The following ANKS1B variants were observed in gnomAD, a reference collection of about 807,000 sequenced individuals.
ANKS1B encodes ankyrin repeat and sterile alpha motif domain-containing protein 1B.
ANKS1B carries 36 observed loss-of-function variants against 148.3 expected under a neutral mutation model. The observed-to-expected ratio is 0.24, with a 90% CI of 0.19 to 0.32. ANKS1B has a LOEUF of 0.32. Among genes scored for constraint, ANKS1B ranks in the 10% least tolerant of loss-of-function variants. The probability of loss-of-function intolerance (pLI) is 1.00; values close to 1 mark genes in which losing one functional copy is unlikely to be tolerated. For synonymous variants in ANKS1B, 542 were observed against 560.8 expected, an observed-to-expected ratio of 0.97 and a Z score of 0.47; for missense variants, 1,157 against 1,542.6, an observed-to-expected ratio of 0.75 and a Z score of 4.19.
intron 1 of ANKS1B, among the ~76,000 whole-genome samples, chr12:99,831,796 AC>A (rs1314288786): frequency 6.6e-6 from 1 of 151,950 alleles, no homozygotes; most frequent in Non-Finnish European, 1.5e-5. Flanking sequence ...CCTAGAGAGG[AC>A]GCAATTCTTC....
At chr12:99,823,557 C>T (rs974445436) in intron 2 of ANKS1B, among the ~76,000 whole-genome samples, 3 of 152,188 alleles carry the variant, frequency 2.0e-5, no homozygotes, top group Non-Finnish European at 4.4e-5. Context: ...CCACCTGCTT[C>T]GGCCTCCCAA....
intron 10 of ANKS1B, among the ~76,000 whole-genome samples, chr12:99,485,467 C>G (rs1446260245): frequency 6.6e-6 from 1 of 152,118 alleles, no homozygotes; most frequent in Non-Finnish European, 1.5e-5. Context: ...AACCTGATGA[C>G]TATATGCCTT....
intron 12 of ANKS1B, among the ~76,000 whole-genome samples, chr12:99,329,929 T>A (rs990669665): frequency 3.3e-5 from 5 of 151,880 alleles, no homozygotes; most frequent in Non-Finnish European, 5.9e-5. Flanking sequence ...GCTCCCACCC[T>A]CTTTAAAGTG....
At chr12:99,189,585 T>C (rs2080357746) in intron 14 of ANKS1B, among the ~76,000 whole-genome samples, 1 of 152,146 alleles carries the variant, frequency 6.6e-6, no homozygotes. Context: ...ACAGAACCAA[T>C]GACAAAAACC....
chr12:99,710,656 A>G (rs1426755882), intron 8 of ANKS1B, among the ~76,000 whole-genome samples: 1 of 152,148 alleles, frequency 6.6e-6, no homozygotes. Flanking sequence ...TTTATCATAG[A>G]GAAGAATATA....
At chr12:99,478,842 CTTTTA>C (rs975619867) in intron 10 of ANKS1B, among the ~76,000 whole-genome samples, 2 of 152,036 alleles carry the variant, frequency 1.3e-5, no homozygotes, top group Non-Finnish European at 2.9e-5. Flanking sequence ...CCGAATTACC[CTTTTA>C]TTTTCTCTAT....
chr12:99,959,237 T>A (rs1305788494), intron 1 of ANKS1B, among the ~76,000 whole-genome samples: 1 of 144,822 alleles, frequency 6.9e-6, no homozygotes, highest in East Asian at 2.0e-4. Context: ...ATTTTTTTTT[T>A]TTTTTTTTTT....
chr12:99,908,329 C>T (rs1312904304), intron 1 of ANKS1B, among the ~76,000 whole-genome samples: 1 of 152,042 alleles, frequency 6.6e-6, no homozygotes, highest in Non-Finnish European at 1.5e-5. Context: ...CCTGTAATCC[C>T]AGCAATTTGG....
At chr12:99,050,432 C>T (rs2099965211) in intron 17 of ANKS1B, among the ~76,000 whole-genome samples, 3 of 152,098 alleles carry the variant, frequency 2.0e-5, no homozygotes, top group Non-Finnish European at 1.5e-5. Context: ...TCCTCACCAC[C>T]AAGAGTGTGA....
At chr12:99,649,008 G>T (rs989589756) in intron 9 of ANKS1B, among the ~76,000 whole-genome samples, 1 of 152,142 alleles carries the variant, frequency 6.6e-6, no homozygotes, top group African/African-American at 2.4e-5. Flanking sequence ...TTTCTTAGCT[G>T]TCAGCAACTC....
intron 12 of ANKS1B, among the ~76,000 whole-genome samples, chr12:99,364,263 A>C (rs2092646737): frequency 7.3e-6 from 1 of 137,854 alleles, no homozygotes; most frequent in Non-Finnish European, 1.5e-5. Context: ...TGAGTAGACA[A>C]GCAGTATATA....
intron 9 of ANKS1B, among the ~76,000 whole-genome samples, chr12:99,610,717 C>T (rs1280602046): frequency 2.0e-5 from 3 of 152,114 alleles, no homozygotes; most frequent in Non-Finnish European, 4.4e-5. Context: ...TGAGCCCCAA[C>T]AATCCTAATT....
chr12:98,749,663 T>C (rs2098021470), intron 26 of ANKS1B, among the ~76,000 whole-genome samples: 1 of 151,320 alleles, frequency 6.6e-6, no homozygotes, highest in Non-Finnish European at 1.5e-5. Context: ...CAGGTAGGAG[T>C]GAGCATTACA....
chr12:99,241,142 T>C (rs2089233106), intron 14 of ANKS1B, among the ~76,000 whole-genome samples: 1 of 151,890 alleles, frequency 6.6e-6, no homozygotes, highest in Admixed American at 6.6e-5. Context: ...AAAATTGATA[T>C]ACCACTAGCA....
At chr12:99,898,713 G>A (rs1467514366) in intron 1 of ANKS1B, among the ~76,000 whole-genome samples, 2 of 152,110 alleles carry the variant, frequency 1.3e-5, no homozygotes, top group Admixed American at 1.3e-4. Context: ...TTGCCAAACT[G>A]CTCTCCGCTT....
rs1288183673 is a variant in ANKS1B, at chr12:99,479,878, T to C, written c.1438+24598A>G. On this transcript the variant is annotated intron_variant, in intron 10 of 26. Coordinates refer to ENST00000683438, the MANE Select transcript of ANKS1B (RefSeq NM_001352186.2). ...TATTTCAAAATTGCTAAAAAATAGA[T>C]TTTAAATTTTAAATGTTCTCACTAC... is the stretch of plus-strand genomic sequence containing the variant. 3.9e-5 allele frequency among the ~76,000 whole-genome samples: 6 copies of C among 152,010 alleles called. No homozygotes were observed. The South Asian group carries it at 1.2e-3, about 32-fold the overall frequency.
chr12:99,660,625 T>A (rs997975825), intron 8 of ANKS1B, among the ~76,000 whole-genome samples: 2 of 151,984 alleles, frequency 1.3e-5, no homozygotes, highest in Non-Finnish European at 2.9e-5. Flanking sequence ...GGCCTCCCAA[T>A]GTGCTGAGAT....
chr12:99,322,689 A>G (rs919435160), intron 12 of ANKS1B, among the ~76,000 whole-genome samples: 28 of 151,922 alleles, frequency 1.8e-4, no homozygotes, highest in African/African-American at 5.8e-4. Flanking sequence ...AAGTCACCCA[A>G]CTTTCACTTT....
intron 19 of ANKS1B, among the ~76,000 whole-genome samples, chr12:98,821,034 C>A (rs957828073): frequency 6.6e-6 from 1 of 152,118 alleles, no homozygotes; most frequent in African/African-American, 2.4e-5. Context: ...TAAAACACTT[C>A]GAAAAAATAC....
Sources: gnomAD v4.1 joint callset for allele counts (sites outside exome capture counted in the v4.1 genomes callset) on GRCh38, gnomAD v4.1.1 for gene constraint, MANE v1.5 for transcripts, NCBI Gene and HGNC (gene_info 2026-07-23, HGNC 2026-07-21) for gene names.